HIGD1A: variants seen among roughly 807,000 people sequenced by gnomAD.
HIGD1A encodes HIG1 hypoxia inducible domain family member 1A.
In HIGD1A, 8 loss-of-function variants were observed where a neutral mutation model predicts 11.3. The observed-to-expected ratio is 0.71, with a 90% CI of 0.42 to 1.28. The LOEUF (loss-of-function observed/expected upper bound fraction) is 1.28. HIGD1A is among the 50% of genes most tolerant of loss of function. HIGD1A has a pLI of 0.01. For missense variants in HIGD1A, 107 were observed against 118.8 expected, an observed-to-expected ratio of 0.90 and a Z score of 0.46; for synonymous variants, 32 against 38.4, an observed-to-expected ratio of 0.83 and a Z score of 0.62.
At chr3:42,787,600 T>G (rs71615416) in intron 2 of HIGD1A, among the ~76,000 whole-genome samples, 1 of 103,848 alleles carries the variant, frequency 9.6e-6, no homozygotes, top group Non-Finnish European at 2.1e-5. Context: ...CAAAAATATA[T>G]ATATATATAT....
At chr3:42,792,668 C>G (rs1187723650) in intron 2 of HIGD1A, among the ~76,000 whole-genome samples, 1 of 132,306 alleles carries the variant, frequency 7.6e-6, no homozygotes, top group Non-Finnish European at 1.6e-5. Flanking sequence ...AGCAAGACTC[C>G]GTTTCAAAAA....
intron 1 of HIGD1A, among the ~76,000 whole-genome samples, chr3:42,801,723 T>C (rs1700565339): frequency 6.6e-6 from 1 of 152,240 alleles, no homozygotes; most frequent in Admixed American, 6.5e-5. Context: ...GAGGTCTTAG[T>C]TCCTTGCAAC....
intron 2 of HIGD1A, 59 bp from the exon 3 acceptor site, chr3:42,786,221 CATCA>C: frequency 6.5e-7 from 1 of 1,548,226 alleles, no homozygotes; most frequent in Non-Finnish European, 8.9e-7. Flanking sequence ...ATGACTTTAC[CATCA>C]GTCAATGTAC....
chr3:42,788,808 G>C (rs1477308234), intron 2 of HIGD1A, among the ~76,000 whole-genome samples: 1 of 151,652 alleles, frequency 6.6e-6, no homozygotes, highest in Non-Finnish European at 1.5e-5. Context: ...AACCCAGGAG[G>C]CAGAGGCTGC....
chr3:42,804,059 C>A, intron 1 of HIGD1A: 1 of 1,153,584 alleles, frequency 8.7e-7, no homozygotes, highest in Non-Finnish European at 1.2e-6. Context: ...ATGTTCCAAG[C>A]TCCGGGGAAG....
intron 1 of HIGD1A, among the ~76,000 whole-genome samples, chr3:42,794,611 C>T (rs968292442): frequency 6.6e-6 from 1 of 152,214 alleles, no homozygotes; most frequent in African/African-American, 2.4e-5. Flanking sequence ...TGGCTATCTT[C>T]ATCCTTAATC....
intron 2 of HIGD1A, among the ~76,000 whole-genome samples, chr3:42,793,294 G>A (rs569053996): frequency 5.3e-5 from 8 of 152,046 alleles, no homozygotes; most frequent in Admixed American, 1.3e-4. Context: ...CTGCGAGTCC[G>A]ACCTCTGGGG....
chr3:42,788,116 T>C (rs1700374694), intron 2 of HIGD1A, among the ~76,000 whole-genome samples: 1 of 151,894 alleles, frequency 6.6e-6, no homozygotes, highest in South Asian at 2.1e-4. Flanking sequence ...CAAACATTAT[T>C]TGAAAAATAA....
chr3:42,789,265 C>T (rs1470297621), intron 2 of HIGD1A, among the ~76,000 whole-genome samples: 1 of 152,080 alleles, frequency 6.6e-6, no homozygotes, highest in African/African-American at 2.4e-5. Flanking sequence ...TGGTCTCGAA[C>T]TCCTGACCTC....
chr3:42,803,606 T>C (rs187275725), intron 1 of HIGD1A, among the ~76,000 whole-genome samples: 120 of 152,318 alleles, frequency 7.9e-4, no homozygotes, highest in South Asian at 1.2e-3. Flanking sequence ...CATCCAAACC[T>C]GTCTTACTCC....
In HIGD1A at chr3:42,787,134, C is replaced by T. The variant is rs370057704; in HGVS notation, c.98-972G>A. 2.0e-4 allele frequency among the ~76,000 whole-genome samples: 30 copies of T among 152,022 alleles called. No individual in the cohort carries two copies. In the East Asian group the frequency reaches 5.6e-3, roughly 28 times the overall value. ...GCAAAATTAAGAATCTGAAATTAGGCTATGATTATCACAACAAAACGTGTG... is the reference window on the plus strand; with the variant it reads ...GCAAAATTAAGAATCTGAAATTAGGTTATGATTATCACAACAAAACGTGTG... On this transcript the variant is annotated intron_variant, in intron 2 of 3. Transcript: ENST00000321331.
At chr3:42,792,652 C>T (rs530640646) in intron 2 of HIGD1A, among the ~76,000 whole-genome samples, 5 of 142,512 alleles carry the variant, frequency 3.5e-5, no homozygotes, top group South Asian at 2.2e-4. Context: ...CCAGCCTGGG[C>T]GACAGAGCAA....
intron 2 of HIGD1A, among the ~76,000 whole-genome samples, chr3:42,788,588 GATAAC>G (rs1245666320): frequency 6.6e-6 from 1 of 151,982 alleles, no homozygotes; most frequent in Non-Finnish European, 1.5e-5. Flanking sequence ...ACAAAATTAA[GATAAC>G]ATAAGAGGCT....
chr3:42,801,183 C>A (rs7613025), intron 1 of HIGD1A, among the ~76,000 whole-genome samples: 8,215 of 152,282 alleles, frequency 0.054, 327 homozygotes, highest in South Asian at 0.11. Context: ...AATTAATGTA[C>A]TAGTCTGTAT....
At chr3:42,790,458 G>A (rs1416162251) in intron 2 of HIGD1A, among the ~76,000 whole-genome samples, 4 of 152,200 alleles carry the variant, frequency 2.6e-5, no homozygotes, top group African/African-American at 7.2e-5. Flanking sequence ...GCTTGAACCC[G>A]GGAGGCGGAG....
intron 3 of HIGD1A, among the ~76,000 whole-genome samples, chr3:42,785,787 A>G (rs760947494): frequency 1.1e-4 from 17 of 152,236 alleles, no homozygotes; most frequent in South Asian, 4.1e-4. Flanking sequence ...AGGCTCTTCA[A>G]TGAAATTATA....
chr3:42,784,709 T>C lies in HIGD1A; in HGVS notation c.*562A>G, dbSNP rs1053221332. 2.6e-5 allele frequency: 4 copies of C among 152,704 alleles called. No individual in the cohort carries two copies. Among genetic ancestry groups the C allele is most frequent in the Admixed American group, 2.6e-4 (4 of 15,294 alleles). 9.5% of individuals were successfully genotyped at this position (152,704 alleles called of 1,614,324 possible). A position where few individuals can be genotyped will look rare whatever the true frequency, so the allele number is the denominator to read the frequency against. On this transcript the variant is annotated 3_prime_UTR_variant, in exon 4 of 4. Coordinates refer to ENST00000321331, the MANE Select transcript of HIGD1A (RefSeq NM_014056.4). The stretch of plus-strand genomic sequence containing the variant: ...CATGTTTACAGTTGTGATTCTTTAA[T>C]AAATACTATTATGCAGCTCTATTGT...
rs1575360344 is a variant in HIGD1A, at chr3:42,792,395, C to T, written c.97+1762G>A. On this transcript the variant is annotated intron_variant, in intron 2 of 3. Transcript: ENST00000321331. Reference sequence around the variant, plus strand: ...TCATTCTTAAAAGTGGAGTTTTGGCCGGGCGCGGTGGCTCACGCCTATAAT... The same window carrying T: ...TCATTCTTAAAAGTGGAGTTTTGGCTGGGCGCGGTGGCTCACGCCTATAAT... Among the ~76,000 whole-genome samples, 6 of 152,234 alleles carry T rather than the reference C, an allele frequency of 3.9e-5. No homozygotes were observed. The South Asian group carries it at 1.0e-3, about 26-fold the overall frequency.
chr3:42,794,402 T>G (rs1700468671), intron 1 of HIGD1A, 127 bp from the exon 2 acceptor site: 1 of 872,290 alleles, frequency 1.1e-6, no homozygotes, highest in Non-Finnish European at 1.6e-6. Flanking sequence ...ATCCTAAAGT[T>G]AAAAAATATT....
Sources: allele counts gnomAD v4.1 joint callset (sites outside exome capture counted in the v4.1 genomes callset), GRCh38; gene constraint gnomAD v4.1.1; transcripts MANE v1.5; gene names NCBI Gene and HGNC (gene_info 2026-07-23, HGNC 2026-07-21).